Variants in DMD observed in about 807,000 individuals in gnomAD.
The protein encoded by DMD is mutant dystrophin.
DMD carries 63 observed loss-of-function variants against 330.1 expected under a neutral mutation model. The observed-to-expected ratio is 0.19, with a 90% CI of 0.16 to 0.24. The LOEUF (loss-of-function observed/expected upper bound fraction) is 0.24, where lower values mean the gene tolerates loss of function less well. Ranked by LOEUF, DMD falls within the 10% of genes least tolerant of loss-of-function variation. The pLI is 1.00. For synonymous variants in DMD, 1,223 were observed against 959.8 expected (o/e 1.27, Z -5.07); for missense variants, 3,344 against 2,684.1 (o/e 1.25, Z -5.43).
At chrX:33,191,482 G>A (rs1366310638) in intron 1 of DMD, among the ~76,000 whole-genome samples, 4 of 110,063 alleles carry the variant, frequency 3.6e-5, no homozygotes, top group African/African-American at 6.6e-5. Flanking sequence ...GGAGTGCAGT[G>A]GCACGAACTT....
At chrX:31,994,763 C>A (rs947512135) in intron 44 of DMD, among the ~76,000 whole-genome samples, 2 of 111,915 alleles carry the variant, frequency 1.8e-5, no homozygotes, top group African/African-American at 6.5e-5. Flanking sequence ...TAGGCACCTG[C>A]TTTATATCTG....
intron 34 of DMD, among the ~76,000 whole-genome samples, chrX:32,371,992 T>C (rs113415876): frequency 0.049 from 5,481 of 111,456 alleles, 229 homozygotes; most frequent in African/African-American, 0.13. Context: ...ACTTTAAAAT[T>C]ACTAGAAAAT....
chrX:31,344,858 TAC>T (rs376996455), intron 61 of DMD, among the ~76,000 whole-genome samples: 1,478 of 106,913 alleles, frequency 0.014, 23 homozygotes, highest in African/African-American at 0.047. Flanking sequence ...AGAACCTTGA[TAC>T]ACACACACAC....
chrX:32,612,892 C>G (rs811250), intron 12 of DMD, among the ~76,000 whole-genome samples: 45,855 of 109,266 alleles, frequency 0.42, 8,859 homozygotes, highest in African/African-American at 0.75. Context: ...ATTTGTCATT[C>G]AAAACTGAAG....
intron 49 of DMD, among the ~76,000 whole-genome samples, chrX:31,829,462 A>AT (rs200083654): frequency 6.5e-5 from 7 of 108,424 alleles, no homozygotes; most frequent in Non-Finnish European, 1.3e-4. Flanking sequence ...ATAAAAAAAA[A>AT]TTTTTTAATT....
At chrX:31,766,902 T>TG (rs58442587) in intron 51 of DMD, among the ~76,000 whole-genome samples, 29 of 110,349 alleles carry the variant, frequency 2.6e-4, no homozygotes, top group Non-Finnish European at 4.2e-4. Flanking sequence ...TGTGTGTGTG[T>TG]TTGCAACTCT....
intron 2 of DMD, among the ~76,000 whole-genome samples, chrX:33,009,011 T>C (rs1182768108): frequency 1.0e-5 from 1 of 98,420 alleles, no homozygotes; most frequent in East Asian, 3.3e-4. Context: ...TATACACACA[T>C]ACACACGTAT....
At chrX:32,781,885 C>T (rs1477114450) in intron 7 of DMD, among the ~76,000 whole-genome samples, 1 of 111,068 alleles carries the variant, frequency 9.0e-6, no homozygotes, top group Non-Finnish European at 1.9e-5. Context: ...ATTACATGTT[C>T]ACTCCACTTT....
At chrX:33,259,149 G>GT (rs762784553) in intron 1 of DMD, among the ~76,000 whole-genome samples, 57 of 110,803 alleles carry the variant, frequency 5.1e-4, no homozygotes, top group African/African-American at 1.7e-3. Context: ...CCTAGTAAAT[G>GT]TTTTTTTAAA....
intron 41 of DMD, among the ~76,000 whole-genome samples, chrX:32,325,794 G>A (rs1450426981): frequency 1.0e-5 from 1 of 95,588 alleles, no homozygotes; most frequent in African/African-American, 3.7e-5. Flanking sequence ...TTGATCTTAA[G>A]TACTCAATTT....
intron 1 of DMD, among the ~76,000 whole-genome samples, chrX:33,327,200 A>C (rs1187684788): frequency 9.0e-6 from 1 of 111,627 alleles, no homozygotes; most frequent in Non-Finnish European, 1.9e-5. Flanking sequence ...TTCTAAGTGG[A>C]AGTACTATTG....
intron 7 of DMD, among the ~76,000 whole-genome samples, chrX:32,778,175 A>G (rs1242668028): frequency 9.2e-6 from 1 of 108,739 alleles, no homozygotes; most frequent in Non-Finnish European, 1.9e-5. Context: ...AGAAGCGTAG[A>G]GGATAATATT....
intron 44 of DMD, among the ~76,000 whole-genome samples, chrX:32,083,581 A>G (rs982946049): frequency 8.9e-6 from 1 of 111,885 alleles, no homozygotes; most frequent in Non-Finnish European, 1.9e-5. Context: ...TTTTGCGTAG[A>G]TAAGGAAAAA....
intron 9 of DMD, among the ~76,000 whole-genome samples, chrX:32,655,968 C>CT (rs1019802503): frequency 3.1e-5 from 3 of 98,163 alleles, no homozygotes; most frequent in Admixed American, 2.0e-4. Context: ...CAACCCCTGC[C>CT]TTTTTTTGAA....
intron 7 of DMD, among the ~76,000 whole-genome samples, chrX:32,757,726 G>A (rs1477639126): frequency 8.9e-6 from 1 of 112,070 alleles, no homozygotes; most frequent in African/African-American, 3.2e-5. Flanking sequence ...GTAGAACTAT[G>A]AGTCAATTAA....
At chrX:32,296,888 G>T (rs1225494311) in intron 42 of DMD, among the ~76,000 whole-genome samples, 1 of 111,938 alleles carries the variant, frequency 8.9e-6, no homozygotes. Flanking sequence ...TTTTTTAAAA[G>T]AAGTGATAAA....
chrX:31,681,151 T>A (rs2082360451), intron 52 of DMD, among the ~76,000 whole-genome samples: 1 of 111,762 alleles, frequency 8.9e-6, no homozygotes, highest in Admixed American at 9.5e-5. Context: ...AATTAAAGAT[T>A]AAAACTAACA....
rs913128216 is a variant in DMD at position 31,504,835 on chromosome X, T to C, written c.8390+2446A>G. Among the ~76,000 whole-genome samples, 17 of 112,167 alleles carry C rather than the reference T, an allele frequency of 1.5e-4. No homozygotes were observed. The Admixed American group carries it at 1.5e-3, about 10-fold the overall frequency. ...AGTGCTTATAACATATCCTGTATTA[T>C]TACATAGGCCTATATAAAAGCCAAA... On this transcript the variant is annotated intron_variant, in intron 56 of 78. Coordinates refer to ENST00000357033, the MANE Select transcript of DMD (RefSeq NM_004006.3).
At chrX:31,924,980 C>T (rs1239432338) in intron 47 of DMD, among the ~76,000 whole-genome samples, 8 of 111,802 alleles carry the variant, frequency 7.2e-5, no homozygotes, top group African/African-American at 1.3e-4. Context: ...GAATGCATAA[C>T]GTACACCACC....
Sources: allele counts gnomAD v4.1 joint callset (sites outside exome capture counted in the v4.1 genomes callset), GRCh38; gene constraint gnomAD v4.1.1; transcripts MANE v1.5; gene names NCBI Gene and HGNC (gene_info 2026-07-23, HGNC 2026-07-21).